Variants in FBXW11 observed in about 807,000 individuals in gnomAD.
FBXW11 encodes the protein F-box and WD repeat domain containing 11.
FBXW11 carries 19 observed loss-of-function variants against 77.6 expected under a neutral mutation model. That is an observed-to-expected ratio of 0.24 (90% CI 0.17 to 0.36). The LOEUF (loss-of-function observed/expected upper bound fraction) is 0.36, where lower values mean the gene tolerates loss of function less well. FBXW11 is among the 10% of genes least tolerant of loss of function. The pLI is 1.00. For synonymous variants in FBXW11, 235 were observed against 249.4 expected (o/e 0.94, Z 0.54); for missense variants, 334 against 704.2 (o/e 0.47, Z 5.95).
At chr5:171,880,066 GTTTTACAGTCAGGTC>G (rs1329342418) in intron 7 of FBXW11, among the ~76,000 whole-genome samples, 1 of 152,128 alleles carries the variant, frequency 6.6e-6, no homozygotes, top group Non-Finnish European at 1.5e-5. Context: ...AAGATTTTGT[GTTTTACAGTCAGGTC>G]TTTAATCCAT....
chr5:171,913,876 A>AC (rs1561678009), intron 3 of FBXW11, among the ~76,000 whole-genome samples: 10 of 100,136 alleles, frequency 1.0e-4, no homozygotes, highest in Non-Finnish European at 2.2e-4. Context: ...CACACACACA[A>AC]CCTGGGAAAT....
At chr5:171,953,256 A>G (rs1763437594) in intron 2 of FBXW11, among the ~76,000 whole-genome samples, 1 of 152,164 alleles carries the variant, frequency 6.6e-6, no homozygotes, top group South Asian at 2.1e-4. Flanking sequence ...TGGGCCTCAC[A>G]AAGCACTGGA....
At chr5:171,932,275 A>T (rs1353808706) in intron 2 of FBXW11, among the ~76,000 whole-genome samples, 1 of 152,214 alleles carries the variant, frequency 6.6e-6, no homozygotes, top group Non-Finnish European at 1.5e-5. Flanking sequence ...AGATATACAG[A>T]TGACAAATAA....
At chr5:171,979,905 C>T (rs1765052681) in intron 1 of FBXW11, among the ~76,000 whole-genome samples, 1 of 152,186 alleles carries the variant, frequency 6.6e-6, no homozygotes, top group African/African-American at 2.4e-5. Flanking sequence ...TTGGCTGGAA[C>T]AGGACCTCAC....
chr5:171,886,315 C>T (rs371250079), intron 7 of FBXW11, among the ~76,000 whole-genome samples: 8 of 151,524 alleles, frequency 5.3e-5, no homozygotes, highest in African/African-American at 1.5e-4. Flanking sequence ...AGCAAACTAT[C>T]GCAAGGACAA....
rs1391243636 is a variant in FBXW11, at chr5:171,904,673, G to A, written c.437-4573C>T. On this transcript the variant is annotated intron_variant, in intron 4 of 13. Coordinates refer to ENST00000517395, the MANE Select transcript of FBXW11 (RefSeq NM_001378974.1). This position sits in a 1 kb window ranked among gnomAD's most constrained non-coding sequence, Gnocchi z 4.0. ...TGCAACCTCCACCTCCTGGGTTCAA[G>A]CGATTCTCCTGCCTCAGCCTCCCGA... 6.6e-6 allele frequency among the ~76,000 whole-genome samples: 1 copy of A among 152,088 alleles called. No homozygotes were observed. Among genetic ancestry groups the A allele is most frequent in the Non-Finnish European group, 1.5e-5 (1 of 68,028 alleles).
chr5:171,952,730 G>A (rs752637262), intron 2 of FBXW11, among the ~76,000 whole-genome samples: 1 of 151,570 alleles, frequency 6.6e-6, no homozygotes, highest in Non-Finnish European at 1.5e-5. Context: ...GATTACTGGC[G>A]TGAGCCACCG....
chr5:171,901,492 T>C (rs1760111225), intron 4 of FBXW11, among the ~76,000 whole-genome samples: 1 of 152,208 alleles, frequency 6.6e-6, no homozygotes, highest in Non-Finnish European at 1.5e-5. Context: ...GGTTATAATT[T>C]CCAGGTCCTT....
chr5:171,969,893 C>T (rs1377299807), intron 1 of FBXW11, among the ~76,000 whole-genome samples: 7 of 152,140 alleles, frequency 4.6e-5, no homozygotes, highest in Admixed American at 2.0e-4. Context: ...TCAGTAGAGA[C>T]GGGGTTTCAC....
rs564435870 is a variant in FBXW11, at chr5:172,000,245, G to T, written c.45+6213C>A. Among the ~76,000 whole-genome samples the T allele has an allele frequency of 9.2e-5, 14 of 152,266 alleles. No individual in the cohort carries two copies. In the East Asian group the frequency reaches 2.7e-3, roughly 29 times the overall value. ...AAACCATCAGCTTTGATGATGGTAA[G>T]AATAAGAATTCAAAAACCACAATTT... On this transcript the variant is annotated intron_variant, in intron 1 of 13. Coordinates refer to ENST00000517395, the MANE Select transcript of FBXW11 (RefSeq NM_001378974.1).
intron 2 of FBXW11, among the ~76,000 whole-genome samples, chr5:171,952,449 T>TATATATATATATA (rs1561716455): frequency 4.6e-4 from 5 of 10,906 alleles, no homozygotes; most frequent in African/African-American, 6.1e-4. Flanking sequence ...ATATATATAT[T>TATATATATATATA]TTTTTTTTTT....
At chr5:171,887,492 A>C (rs148792448) in intron 7 of FBXW11, among the ~76,000 whole-genome samples, 82 of 152,256 alleles carry the variant, frequency 5.4e-4, no homozygotes, top group African/African-American at 1.7e-3. Flanking sequence ...ACTACAATCT[A>C]TCTCTCCAGT....
In FBXW11 at chr5:171,899,061, A is replaced by C; in HGVS notation, c.657T>G (p.Asp219Glu). 1 of 1,609,446 alleles carries C rather than the reference A, an allele frequency of 6.2e-7. No homozygotes were observed. The highest frequency in any genetic ancestry group is 8.5e-7 in the Non-Finnish European group (1 of 1,178,298). ...DQYLFKNRPT[D>E]GPPNSFYRSL... ...ACCTATAAAATGAATTTGGAGGGCC[A>C]TCTGTGGGTCTGTTTTTAAACAGGT... is the stretch of plus-strand genomic sequence containing the variant. Residue 219 changes from aspartate to glutamate, a missense_variant, in exon 6 of 14, where the codon GAT becomes GAG. By Grantham distance (45) the Asp-to-Glu change is conservative (BLOSUM62 2). Around this residue, in one of 10 missense-constraint regions of FBXW11, gnomAD observed 19 missense variants for 16.0 expected, o/e 1.19. Coordinates refer to ENST00000517395, the MANE Select transcript of FBXW11 (RefSeq NM_001378974.1).
chr5:171,952,843 T>C (rs1024931874), intron 2 of FBXW11, among the ~76,000 whole-genome samples: 2 of 151,980 alleles, frequency 1.3e-5, no homozygotes, highest in Non-Finnish European at 2.9e-5. Flanking sequence ...TTTCTTAAAA[T>C]ATTATGAGAT....
intron 2 of FBXW11, among the ~76,000 whole-genome samples, chr5:171,935,770 T>A (rs1762443191): frequency 6.6e-6 from 1 of 151,778 alleles, no homozygotes; most frequent in Non-Finnish European, 1.5e-5. Flanking sequence ...CAAAAAATTG[T>A]CAAAAAAATT....
At chr5:171,891,165 C>T (rs839298) in intron 7 of FBXW11, among the ~76,000 whole-genome samples, 3,693 of 152,192 alleles carry the variant, frequency 0.024, 84 homozygotes, top group African/African-American at 0.058. Context: ...TTATAAACTA[C>T]CAATACCAGC....
intron 1 of FBXW11, among the ~76,000 whole-genome samples, chr5:171,961,642 G>A (rs1763915183): frequency 7.0e-6 from 1 of 141,960 alleles, no homozygotes; most frequent in Non-Finnish European, 1.5e-5. Flanking sequence ...GACCACAACA[G>A]TAATTGATTT....
chr5:171,931,743 A>C (rs897800750), intron 2 of FBXW11, among the ~76,000 whole-genome samples: 1 of 152,178 alleles, frequency 6.6e-6, no homozygotes, highest in African/African-American at 2.4e-5. Flanking sequence ...CTCAGAGAAA[A>C]TATTTGCAAA....
intron 4 of FBXW11, among the ~76,000 whole-genome samples, chr5:171,900,832 A>C (rs960992130): frequency 6.6e-6 from 1 of 152,130 alleles, no homozygotes; most frequent in Non-Finnish European, 1.5e-5. Context: ...CATTGGCTTC[A>C]ACCTCCCACG....
Sources: gnomAD v4.1 joint callset for allele counts (sites outside exome capture counted in the v4.1 genomes callset) on GRCh38, gnomAD v4.1.1 for gene constraint, gnomAD v4.1.1 regional missense constraint, Gnocchi (gnomAD v3.1) non-coding constraint, MANE v1.5 for transcripts, NCBI Gene and HGNC (gene_info 2026-07-23, HGNC 2026-07-21) for gene names.